PLCL1: variants seen among roughly 807,000 people sequenced by gnomAD.
PLCL1 encodes the protein inactive phospholipase C-like protein 1.
PLCL1 carries 41 observed loss-of-function variants against 84.4 expected under a neutral mutation model. The ratio of observed to expected loss-of-function variants is 0.49; its 90% CI spans 0.38 to 0.63. PLCL1 has a LOEUF of 0.63. Ranked by LOEUF, PLCL1 falls within the 30% of genes least tolerant of loss-of-function variation. PLCL1 has a pLI of 0.00. For missense variants in PLCL1, 1,206 were observed against 1,367.8 expected, an observed-to-expected ratio of 0.88 and a Z score of 1.87; for synonymous variants, 490 against 488.3, an observed-to-expected ratio of 1.00 and a Z score of -0.05.
rs79056228 is a variant in PLCL1 at position 197,866,856 on chromosome 2, G to C, written c.240+61517G>C. On this transcript the variant is annotated intron_variant, in intron 1 of 5. Transcript: ENST00000428675. ...GAACCCATACTAAATCCTAAAATTAGGCATTATTGTTATTACACTTCTATG... is the reference window on the plus strand; with the variant it reads ...GAACCCATACTAAATCCTAAAATTACGCATTATTGTTATTACACTTCTATG... 9.4e-3 allele frequency among the ~76,000 whole-genome samples: 1,437 copies of C among 152,196 alleles called. 26 individuals carry two copies. Among genetic ancestry groups the C allele is most frequent in the African/African-American group, 0.033 (1,368 of 41,532 alleles).
chr2:197,967,129 C>T (rs1689759710), intron 1 of PLCL1, among the ~76,000 whole-genome samples: 1 of 152,136 alleles, frequency 6.6e-6, no homozygotes, highest in South Asian at 2.1e-4. Context: ...CCAGTGAGAA[C>T]TTGCTCCTGC....
At chr2:198,007,772 A>G (rs929617930) in intron 1 of PLCL1, among the ~76,000 whole-genome samples, 1 of 152,116 alleles carries the variant, frequency 6.6e-6, no homozygotes, top group African/African-American at 2.4e-5. Flanking sequence ...CTCCACAACC[A>G]TTGATATTTC....
At chr2:197,844,667 C>G (rs1407252185) in intron 1 of PLCL1, among the ~76,000 whole-genome samples, 1 of 151,920 alleles carries the variant, frequency 6.6e-6, no homozygotes, top group Non-Finnish European at 1.5e-5. Flanking sequence ...AATATGAGCT[C>G]TAAAATTTTA....
intron 1 of PLCL1, among the ~76,000 whole-genome samples, chr2:197,852,507 G>C (rs1687257412): frequency 6.6e-6 from 1 of 152,210 alleles, no homozygotes; most frequent in African/African-American, 2.4e-5. Context: ...GTAGATTAAA[G>C]GAGGAGATGA....
intron 1 of PLCL1, among the ~76,000 whole-genome samples, chr2:198,015,460 A>G (rs757127499): frequency 6.6e-6 from 1 of 152,160 alleles, no homozygotes; most frequent in Non-Finnish European, 1.5e-5. Context: ...TTTGACCTAG[A>G]TTTAGTTGGT....
At chr2:198,094,139 G>T (rs1461672866) in intron 3 of PLCL1, among the ~76,000 whole-genome samples, 1 of 152,008 alleles carries the variant, frequency 6.6e-6, no homozygotes, top group Non-Finnish European at 1.5e-5. Flanking sequence ...TCAGCTCACT[G>T]CAAGCTCCGC....
At chr2:197,982,559 T>C (rs1690130288) in intron 1 of PLCL1, among the ~76,000 whole-genome samples, 1 of 152,240 alleles carries the variant, frequency 6.6e-6, no homozygotes, top group African/African-American at 2.4e-5. Context: ...ATCCACATTC[T>C]GTTTCCAGGA....
intron 2 of PLCL1, among the ~76,000 whole-genome samples, chr2:198,088,125 T>C (rs1271642844): frequency 6.6e-6 from 1 of 152,172 alleles, no homozygotes; most frequent in Non-Finnish European, 1.5e-5. Context: ...TTTGCATATT[T>C]TATATTATGT....
chr2:197,946,274 T>C (rs558148181), intron 1 of PLCL1, among the ~76,000 whole-genome samples: 1 of 152,264 alleles, frequency 6.6e-6, no homozygotes, highest in South Asian at 2.1e-4. Flanking sequence ...TTTGACTAAA[T>C]AAAATTTCAA....
chr2:197,863,508 A>G (rs752933825), intron 1 of PLCL1, among the ~76,000 whole-genome samples: 7 of 152,130 alleles, frequency 4.6e-5, no homozygotes, highest in Non-Finnish European at 8.8e-5. Flanking sequence ...GTATTCCTTT[A>G]AAAAATCAGA....
intron 1 of PLCL1, among the ~76,000 whole-genome samples, chr2:197,812,448 T>G (rs868381237): frequency 3.3e-5 from 5 of 152,220 alleles, no homozygotes; most frequent in Non-Finnish European, 7.3e-5. Flanking sequence ...CTCCACAACT[T>G]CACCAACATT....
chr2:197,943,243 TTGTC>T (rs1169758194), intron 1 of PLCL1, among the ~76,000 whole-genome samples: 5 of 151,828 alleles, frequency 3.3e-5, no homozygotes, highest in African/African-American at 1.2e-4. Flanking sequence ...TTCTCTGCAG[TTGTC>T]TGTAATTTAT....
intron 3 of PLCL1, among the ~76,000 whole-genome samples, chr2:198,091,796 A>T (rs1307548006): frequency 6.6e-6 from 1 of 152,184 alleles, no homozygotes; most frequent in Non-Finnish European, 1.5e-5. Flanking sequence ...TTTCCTGCTT[A>T]AAATCCTCCA....
chr2:197,948,179 A>T (rs1689319416), intron 1 of PLCL1, among the ~76,000 whole-genome samples: 1 of 152,170 alleles, frequency 6.6e-6, no homozygotes, highest in Non-Finnish European at 1.5e-5. Context: ...GGATGGGAGG[A>T]TATGAGCAGT....
At chr2:197,961,350 A>G (rs1439114664) in intron 1 of PLCL1, among the ~76,000 whole-genome samples, 5 of 151,834 alleles carry the variant, frequency 3.3e-5, no homozygotes, top group Non-Finnish European at 7.4e-5. Flanking sequence ...TCATTCTTAG[A>G]ACATTTTCTA....
intron 1 of PLCL1, among the ~76,000 whole-genome samples, chr2:198,001,146 A>G (rs1690591138): frequency 6.6e-6 from 1 of 152,160 alleles, no homozygotes; most frequent in Non-Finnish European, 1.5e-5. Flanking sequence ...TACCTGGTTT[A>G]TGCATTCCTA....
At chr2:198,073,498 G>A (rs763601820) in intron 1 of PLCL1, among the ~76,000 whole-genome samples, 3 of 152,172 alleles carry the variant, frequency 2.0e-5, no homozygotes, top group Non-Finnish European at 2.9e-5. Flanking sequence ...TCATCTTGAC[G>A]TTGAAACCAA....
At chr2:197,820,321 C>T (rs556322120) in intron 1 of PLCL1, among the ~76,000 whole-genome samples, 1 of 152,042 alleles carries the variant, frequency 6.6e-6, no homozygotes, top group Non-Finnish European at 1.5e-5. Context: ...TAAAACAGCA[C>T]AGATTTATTA....
intron 5 of PLCL1, among the ~76,000 whole-genome samples, chr2:198,142,948 C>T (rs1694423781): frequency 1.3e-5 from 2 of 151,958 alleles, no homozygotes; most frequent in African/African-American, 4.8e-5. Flanking sequence ...GCATTTCATG[C>T]CATAACAATC....
Sources: allele counts gnomAD v4.1 joint callset (sites outside exome capture counted in the v4.1 genomes callset), GRCh38; gene constraint gnomAD v4.1.1; transcripts MANE v1.5; gene names NCBI Gene and HGNC (gene_info 2026-07-23, HGNC 2026-07-21).